RBFOX1: variants seen among roughly 807,000 people sequenced by gnomAD.
RBFOX1 encodes RNA binding protein fox-1 homolog 1.
Under a neutral mutation model 57.7 loss-of-function variants are expected in RBFOX1, and 8 were observed. The ratio of observed to expected loss-of-function variants is 0.14; its 90% CI spans 0.08 to 0.25. RBFOX1 has a LOEUF of 0.25. RBFOX1 is among the 10% of genes least tolerant of loss of function. RBFOX1 has a pLI of 1.00. For missense variants in RBFOX1, 611 were observed against 548.5 expected (o/e 1.11, Z -1.14); for synonymous variants, 326 against 222.4 (o/e 1.47, Z -4.15).
intron 1 of RBFOX1, among the ~76,000 whole-genome samples, chr16:6,179,277 T>C (rs1338589147): frequency 6.6e-6 from 1 of 152,182 alleles, no homozygotes; most frequent in African/African-American, 2.4e-5. Flanking sequence ...GGCAATTTCT[T>C]AAGAACAAGT....
chr16:6,944,108 A>C (rs912263703), intron 3 of RBFOX1, among the ~76,000 whole-genome samples: 6 of 152,078 alleles, frequency 3.9e-5, no homozygotes, highest in African/African-American at 1.4e-4. Context: ...ACTTAAGACC[A>C]CACCCTGGCC....
chr16:5,796,353 A>G (rs1445908431), intron 3 of RBFOX1, among the ~76,000 whole-genome samples: 3 of 152,226 alleles, frequency 2.0e-5, no homozygotes, highest in African/African-American at 4.8e-5. Flanking sequence ...GGAATCAGGA[A>G]TGAGTTGCTC....
chr16:6,930,989 C>T (rs990316052), intron 3 of RBFOX1, among the ~76,000 whole-genome samples: 1 of 151,642 alleles, frequency 6.6e-6, no homozygotes, highest in Admixed American at 6.6e-5. Context: ...GTACTTATTT[C>T]CTATCTTCTC....
intron 3 of RBFOX1, among the ~76,000 whole-genome samples, chr16:5,818,622 A>G (rs2342746): frequency 0.64 from 97,384 of 152,008 alleles, 31,568 homozygotes; most frequent in Non-Finnish European, 0.69. Context: ...TTGACGAGAA[A>G]TTAGAAGAAT....
At chr16:7,505,148 A>G (rs1002401677) in intron 4 of RBFOX1, among the ~76,000 whole-genome samples, 1 of 151,684 alleles carries the variant, frequency 6.6e-6, no homozygotes, top group African/African-American at 2.4e-5. Context: ...TTATTCAACA[A>G]AACATTTTGA....
intron 5 of RBFOX1, among the ~76,000 whole-genome samples, chr16:7,565,066 C>T (rs901845317): frequency 6.6e-6 from 1 of 152,180 alleles, no homozygotes; most frequent in Non-Finnish European, 1.5e-5. Flanking sequence ...AAGCAGGAAG[C>T]TGGGAGGATC....
chr16:6,229,644 T>C (rs2152900057), intron 1 of RBFOX1, among the ~76,000 whole-genome samples: 1 of 152,060 alleles, frequency 6.6e-6, no homozygotes, highest in East Asian at 1.9e-4. Context: ...AGTATGCATA[T>C]AAATTTAATG....
chr16:6,115,110 C>G (rs1362719529), intron 1 of RBFOX1, among the ~76,000 whole-genome samples: 8 of 152,094 alleles, frequency 5.3e-5, no homozygotes, highest in African/African-American at 1.9e-4. Context: ...ACACTAGTGT[C>G]TTCTGCTAAC....
At chr16:7,278,119 C>G (rs1351051759) in intron 4 of RBFOX1, among the ~76,000 whole-genome samples, 2 of 151,822 alleles carry the variant, frequency 1.3e-5, no homozygotes, top group African/African-American at 2.4e-5. Context: ...GTATTTGGCT[C>G]CGCTTGGTTT....
At chr16:7,626,181 G>A (rs1185427993) in intron 10 of RBFOX1, among the ~76,000 whole-genome samples, 1 of 152,244 alleles carries the variant, frequency 6.6e-6, no homozygotes, top group Admixed American at 6.5e-5. Flanking sequence ...TCCGGTTTGA[G>A]TCCAGTTTTC....
rs551910520 is a variant in RBFOX1 at position 6,207,865 on chromosome 16, A to T, written c.-126-109130A>T. Among the ~76,000 whole-genome samples the T allele has an allele frequency of 9.7e-4, 148 of 151,972 alleles. No homozygotes were observed. In the Middle Eastern group the frequency reaches 0.014, roughly 14 times the overall value. On this transcript the variant is annotated intron_variant, in intron 1 of 15. Coordinates refer to ENST00000550418, the MANE Select transcript of RBFOX1 (RefSeq NM_018723.4). Reference sequence around the variant, plus strand: ...ACCACATCCAGCTAATTAAAAAAAAATTTTTTTCAGAGACAGCCTGTTGCC... The same window carrying T: ...ACCACATCCAGCTAATTAAAAAAAATTTTTTTTCAGAGACAGCCTGTTGCC...
rs145764648 is a variant in RBFOX1, at chr16:5,543,293, G to C, written c.259-55609G>C. 2.3e-3 allele frequency among the ~76,000 whole-genome samples: 348 copies of C among 152,276 alleles called. 2 individuals carry two copies. Among genetic ancestry groups the C allele is most frequent in the African/African-American group, 8.0e-3 (333 of 41,556 alleles). ...AGTATCAAAAATGTTAGAATTAGCA[G>C]AGAGGGACGTGTTTAAAAAATTAAA... On this transcript the variant is annotated intron_variant, in intron 2 of 2. Transcript: ENST00000585867.
chr16:7,278,449 A>G (rs1011527057), intron 4 of RBFOX1, among the ~76,000 whole-genome samples: 2 of 152,224 alleles, frequency 1.3e-5, no homozygotes, highest in East Asian at 1.9e-4. Context: ...AACCATTTAG[A>G]TGATTGACTA....
intron 3 of RBFOX1, among the ~76,000 whole-genome samples, chr16:6,897,573 C>A (rs1449434241): frequency 6.6e-6 from 1 of 152,168 alleles, no homozygotes; most frequent in Non-Finnish European, 1.5e-5. Context: ...GCGGGCGGAT[C>A]ACTTGAGGTC....
intron 2 of RBFOX1, among the ~76,000 whole-genome samples, chr16:5,505,150 C>G (rs1040231698): frequency 1.3e-5 from 2 of 152,310 alleles, no homozygotes; most frequent in East Asian, 1.9e-4. Context: ...GTTATTAAAG[C>G]AAGCAATGAA....
intron 4 of RBFOX1, among the ~76,000 whole-genome samples, chr16:7,476,306 C>T (rs1036277775): frequency 6.6e-6 from 1 of 152,214 alleles, no homozygotes; most frequent in Non-Finnish European, 1.5e-5. Flanking sequence ...CTTACCCTCA[C>T]AATTACAAGC....
At chr16:5,686,119 G>C (rs1451716983) in intron 3 of RBFOX1, among the ~76,000 whole-genome samples, 3 of 152,150 alleles carry the variant, frequency 2.0e-5, no homozygotes, top group Non-Finnish European at 4.4e-5. Flanking sequence ...ATGGAGACTG[G>C]TATCTACGTT....
At chr16:5,315,084 G>A (rs1418046477) in intron 1 of RBFOX1, among the ~76,000 whole-genome samples, 2 of 152,146 alleles carry the variant, frequency 1.3e-5, no homozygotes, top group African/African-American at 4.8e-5. Context: ...ATTTATTTTA[G>A]TTCTGGAGCC....
At chr16:7,034,848 C>CTTTTCTTTTTTTT (rs1412479062) in intron 3 of RBFOX1, among the ~76,000 whole-genome samples, 30 of 30,822 alleles carry the variant, frequency 9.7e-4, no homozygotes, top group Admixed American at 1.3e-3. Flanking sequence ...TTTCTTTTTT[C>CTTTTCTTTTTTTT]TTTTTTTTTT....
Sources: gnomAD v4.1 joint callset for allele counts (sites outside exome capture counted in the v4.1 genomes callset) on GRCh38, gnomAD v4.1.1 for gene constraint, MANE v1.5 for transcripts, NCBI Gene and HGNC (gene_info 2026-07-23, HGNC 2026-07-21) for gene names.